ACACA: variants seen among roughly 807,000 people sequenced by gnomAD.
The protein encoded by ACACA is acetyl-CoA carboxylase 1.
ACACA carries 103 observed loss-of-function variants against 296.1 expected under a neutral mutation model. The ratio of observed to expected loss-of-function variants is 0.35; its 90% CI spans 0.30 to 0.41. The LOEUF (loss-of-function observed/expected upper bound fraction) is 0.41. Among genes scored for constraint, ACACA ranks in the 10% least tolerant of loss-of-function variants. The pLI is 1.00. For synonymous variants in ACACA, 953 were observed against 1,038.6 expected, an observed-to-expected ratio of 0.92 and a Z score of 1.58; for missense variants, 1,554 against 2,989.7, an observed-to-expected ratio of 0.52 and a Z score of 11.20.
chr17:37,211,394 T>C (rs1474117380), intron 29 of ACACA, among the ~76,000 whole-genome samples: 1 of 152,206 alleles, frequency 6.6e-6, no homozygotes, highest in Non-Finnish European at 1.5e-5. Flanking sequence ...CTCTTTGGCC[T>C]TTGCCACTAA....
At chr17:37,278,251 T>C (rs2082358842) in intron 5 of ACACA, among the ~76,000 whole-genome samples, 1 of 152,236 alleles carries the variant, frequency 6.6e-6, no homozygotes, top group Non-Finnish European at 1.5e-5. Context: ...CATTTCACTA[T>C]GTAATCTTTC....
chr17:37,205,170 A>C (rs1414475152), intron 33 of ACACA, among the ~76,000 whole-genome samples: 1 of 152,238 alleles, frequency 6.6e-6, no homozygotes, highest in African/African-American at 2.4e-5. Flanking sequence ...GGTAGAATGA[A>C]GGAATGTCAA....
chr17:37,217,664 G>C (rs562303924), intron 29 of ACACA, among the ~76,000 whole-genome samples: 1 of 145,128 alleles, frequency 6.9e-6, no homozygotes, highest in Admixed American at 7.1e-5. Flanking sequence ...GAACCCAGGA[G>C]GCAGAGCTTG....
intron 29 of ACACA, among the ~76,000 whole-genome samples, chr17:37,219,726 A>T (rs115781786): frequency 0.012 from 1,718 of 147,918 alleles, 37 homozygotes; most frequent in African/African-American, 0.039. Flanking sequence ...TTCATATATT[A>T]TAATATATTA....
At chr17:37,168,891 T>C (rs2076783259) in intron 41 of ACACA, among the ~76,000 whole-genome samples, 1 of 152,234 alleles carries the variant, frequency 6.6e-6, no homozygotes, top group African/African-American at 2.4e-5. Context: ...AAAGTCAATA[T>C]TTGTACAATA....
At chr17:37,370,484 T>C (rs1407369921) in intron 1 of ACACA, among the ~76,000 whole-genome samples, 3 of 76,288 alleles carry the variant, frequency 3.9e-5, no homozygotes, top group East Asian at 3.8e-4. Context: ...TAGTCTCTAC[T>C]AAAAAAAAAA....
At chr17:37,359,916 G>T (rs1338963104) in intron 1 of ACACA, among the ~76,000 whole-genome samples, 1 of 152,008 alleles carries the variant, frequency 6.6e-6, no homozygotes, top group African/African-American at 2.4e-5. Flanking sequence ...AGCTCAGTAA[G>T]AAGGGGAATG....
chr17:37,164,013 C>G (rs941323301), intron 41 of ACACA, among the ~76,000 whole-genome samples: 1 of 152,122 alleles, frequency 6.6e-6, no homozygotes, highest in African/African-American at 2.4e-5. Flanking sequence ...CTGCCTGTTT[C>G]CCCTATACCT....
At chr17:37,146,918 C>T (rs1379235317) in intron 45 of ACACA, among the ~76,000 whole-genome samples, 1 of 150,312 alleles carries the variant, frequency 6.7e-6, no homozygotes, top group Non-Finnish European at 1.5e-5. Flanking sequence ...AATCCATCTG[C>T]TTTCACTTTA....
chr17:37,193,433 G>T lies in ACACA; in HGVS notation c.4159-18C>A, dbSNP rs1307919600. 1.9e-6 allele frequency: 3 copies of T among 1,585,782 alleles called. No homozygotes were observed. The highest frequency in any genetic ancestry group is 2.6e-6 in the Non-Finnish European group (3 of 1,154,672). On this transcript the variant is annotated intron_variant, in intron 35 of 55. Transcript: ENST00000616317. The stretch of plus-strand genomic sequence containing the variant: ...AATTCTCTCTGTATTAAAGAAGGGG[G>T]AAAAATGTGTCAGTAGTTCATAGAC...
At chr17:37,260,294 ATATTTTTTT>A (rs1213061486) in intron 11 of ACACA, among the ~76,000 whole-genome samples, 2 of 14,710 alleles carry the variant, frequency 1.4e-4, no homozygotes, top group African/African-American at 5.2e-4. Context: ...ATATATATAT[ATATTTTTTT>A]TTTTTTTTTT....
chr17:37,403,500 T>C (rs1250890632), intron 1 of ACACA, among the ~76,000 whole-genome samples: 2 of 151,618 alleles, frequency 1.3e-5, no homozygotes, highest in Non-Finnish European at 2.9e-5. Context: ...GCCTCCTAAG[T>C]AGCTGGGACT....
At chr17:37,386,202 G>T in intron 1 of ACACA, 1 of 922,292 alleles carries the variant, frequency 1.1e-6, no homozygotes. Context: ...AACATTTTTA[G>T]CCCCAGCGTT....
At chr17:37,320,994 T>A (rs1165070988) in intron 3 of ACACA, among the ~76,000 whole-genome samples, 1 of 151,916 alleles carries the variant, frequency 6.6e-6, no homozygotes, top group African/African-American at 2.4e-5. Context: ...GCACAATACT[T>A]ACCTCATGGG....
At chr17:37,152,082 A>G (rs1182268075) in intron 43 of ACACA, among the ~76,000 whole-genome samples, 1 of 152,166 alleles carries the variant, frequency 6.6e-6, no homozygotes, top group Non-Finnish European at 1.5e-5. Context: ...GGTGTGAGCC[A>G]CCGCGCCCGG....
intron 24 of ACACA, 152 bp from the exon 25 acceptor site, chr17:37,235,251 T>C (rs1011703581): frequency 1.9e-6 from 2 of 1,028,678 alleles, no homozygotes; most frequent in African/African-American, 3.2e-5. Context: ...AAACTGGCAA[T>C]GTGATTTAGT....
chr17:37,179,692 A>C (rs2077248030), intron 40 of ACACA, among the ~76,000 whole-genome samples: 1 of 152,220 alleles, frequency 6.6e-6, no homozygotes, highest in Admixed American at 6.5e-5. Flanking sequence ...TCCTAGGAAT[A>C]TTAAAATTAA....
Position 37,225,031 on chromosome 17 carries a change from A to G in ACACA, c.3435T>C (p.Ile1145=). 6.2e-7 allele frequency: 1 copy of G among 1,611,692 alleles called. No homozygotes were observed. Among genetic ancestry groups the G allele is most frequent in the Non-Finnish European group, 8.5e-7 (1 of 1,178,466 alleles). The change falls in exon 27 of 56, where the codon ATT becomes ATC. Residue 1145 remains isoleucine, a synonymous_variant. Transcript: ENST00000616317. ...TGCAAAATTGATGTCCATACATGTC[A>G]ATAGCTGATAGGAAGATAGACTCTA... ...NQVESIFLSA[I]DMYGHQFCIE...
At chr17:37,349,954 C>T (rs1236107884) in intron 1 of ACACA, among the ~76,000 whole-genome samples, 3 of 152,020 alleles carry the variant, frequency 2.0e-5, no homozygotes, top group Admixed American at 2.0e-4. Context: ...CTAAATATCA[C>T]CAATATTAGG....
Sources: gnomAD v4.1 joint callset for allele counts (sites outside exome capture counted in the v4.1 genomes callset) on GRCh38, gnomAD v4.1.1 for gene constraint, MANE v1.5 for transcripts, NCBI Gene and HGNC (gene_info 2026-07-23, HGNC 2026-07-21) for gene names.